Variants in ITIH6 observed in about 807,000 individuals in gnomAD.
ITIH6 encodes the protein inter-alpha-trypsin inhibitor heavy chain family member 6.
Under a neutral mutation model 58.2 loss-of-function variants are expected in ITIH6, and 60 were observed. The observed-to-expected ratio is 1.03, with a 90% CI of 0.84 to 1.28. The LOEUF (loss-of-function observed/expected upper bound fraction) is 1.28. ITIH6 is among the 50% of genes most tolerant of loss of function. ITIH6 has a pLI of 0.00. For missense variants in ITIH6, 1,290 were observed against 1,021.1 expected (o/e 1.26, Z -3.59); for synonymous variants, 493 against 417.4 (o/e 1.18, Z -2.21).
rs772703302 is a variant in ITIH6, at chrX:54,764,423, C to A, written c.904-4496G>T. On this transcript the variant is annotated intron_variant, in intron 6 of 12. Transcript: ENST00000218436. Reference sequence around the variant, plus strand: ...ATCCCTCCCCCCTTCCCCCTCCCCACCACAGTCCCCAGAGTGTGATATTCC... The same window carrying A: ...ATCCCTCCCCCCTTCCCCCTCCCCAACACAGTCCCCAGAGTGTGATATTCC... 3.2e-3 allele frequency among the ~76,000 whole-genome samples: 343 copies of A among 105,740 alleles called. 3 individuals carry two copies. The highest frequency in any genetic ancestry group is 3.7e-3 in the Non-Finnish European group (193 of 51,480). 91.8% of individuals were successfully genotyped at this position (105,740 alleles called of 115,157 possible).
At chrX:54,786,409 T>G (rs1393464484) in intron 5 of ITIH6, among the ~76,000 whole-genome samples, 1 of 111,748 alleles carries the variant, frequency 8.9e-6, no homozygotes, top group Admixed American at 9.5e-5. Flanking sequence ...TCATTTTATC[T>G]CATGGCTCCC....
chrX:54,766,215 T>C (rs943689393), intron 6 of ITIH6, among the ~76,000 whole-genome samples: 3 of 108,649 alleles, frequency 2.8e-5, no homozygotes, highest in African/African-American at 1.0e-4. Flanking sequence ...ATAGGAATGC[T>C]TGTGATTTTT....
intron 5 of ITIH6, among the ~76,000 whole-genome samples, chrX:54,775,125 C>A (rs920560422): frequency 8.9e-6 from 1 of 111,899 alleles, no homozygotes; most frequent in Admixed American, 9.4e-5. Flanking sequence ...GCAATTGCAG[C>A]CTCTGTCTCT....
chrX:54,765,387 G>C (rs1928751602), intron 6 of ITIH6, among the ~76,000 whole-genome samples: 1 of 79,403 alleles, frequency 1.3e-5, no homozygotes, highest in Admixed American at 1.5e-4. Context: ...GGTTTTTATG[G>C]TTTTAGGTCT....
chrX:54,776,314 G>A (rs191146526), intron 5 of ITIH6, among the ~76,000 whole-genome samples: 25 of 111,305 alleles, frequency 2.2e-4, no homozygotes, highest in African/African-American at 7.8e-4. Flanking sequence ...AAGCCTCACC[G>A]CCATGGACTA....
In ITIH6 at chrX:54,771,392, T is replaced by C. The variant is rs771357341; in HGVS notation, c.903+2689A>G. 2.7e-5 allele frequency among the ~76,000 whole-genome samples: 3 copies of C among 112,479 alleles called. No homozygotes were observed. The South Asian group carries it at 1.1e-3, about 41-fold the overall frequency. On this transcript the variant is annotated intron_variant, in intron 6 of 12. Coordinates refer to ENST00000218436, the MANE Select transcript of ITIH6 (RefSeq NM_198510.3). Reference sequence around the variant, plus strand: ...GGTGTTTCTTAAAATTCTTTTTATTTTTGTTTTTTAGCTTCAGGAATTTCT... The same window carrying C: ...GGTGTTTCTTAAAATTCTTTTTATTCTTGTTTTTTAGCTTCAGGAATTTCT...
intron 4 of ITIH6, among the ~76,000 whole-genome samples, chrX:54,789,646 C>T (rs776812655): frequency 1.8e-5 from 2 of 112,592 alleles, no homozygotes; most frequent in Admixed American, 9.4e-5. Context: ...CCTGGACAAG[C>T]GACTCATTCT....
At chrX:54,789,580 G>A (rs990179414) in intron 4 of ITIH6, among the ~76,000 whole-genome samples, 2 of 112,131 alleles carry the variant, frequency 1.8e-5, no homozygotes, top group African/African-American at 3.2e-5. Flanking sequence ...TGAAGAGTGC[G>A]GCCTGCCCGG....
Position 54,798,132 on chromosome X carries a change from C to G in ITIH6, c.79G>C (p.Val27Leu). The change falls in exon 1 of 13, where the codon GTC (valine) becomes CTC (leucine). Residue 27 changes from valine to leucine, a missense_variant. Val to Leu is a conservative substitution (Grantham distance 32, BLOSUM62 1). Transcript: ENST00000218436. ...ACCTTTGTGCTTGATGAAGCGGGGA[C>G]AGGGGGTCCCTGGTATGTCAGTTCA... ...LLELTYQGPP[V>L]PASSSTKLLM... 1 of 1,189,220 alleles carries G rather than the reference C, an allele frequency of 8.4e-7. No individual in the cohort carries two copies.
At position 54,760,772 on chromosome X, in the gene ITIH6, A is replaced by C. The variant is rs769325737; in HGVS notation, c.904-845T>G. 1.4e-3 allele frequency among the ~76,000 whole-genome samples: 154 copies of C among 111,320 alleles called. 2 individuals are homozygous for C. Among genetic ancestry groups the C allele is most frequent in the African/African-American group, 4.4e-3 (136 of 30,575 alleles). On this transcript the variant is annotated intron_variant, in intron 6 of 12. Transcript: ENST00000218436. ...TCCCTACAAAGGACATGAACTCATC[A>C]TTTTTTATGGCTGCATAGTATTCCA...
intron 7 of ITIH6, 36 bp from the exon 8 acceptor site, chrX:54,759,034 G>T: frequency 9.8e-7 from 1 of 1,021,338 alleles, no homozygotes; most frequent in Non-Finnish European, 1.3e-6. Context: ...CATCTTCTCT[G>T]GTCACTTCTA....
intron 6 of ITIH6, among the ~76,000 whole-genome samples, chrX:54,770,709 A>G (rs1299020205): frequency 8.9e-6 from 1 of 112,455 alleles, no homozygotes; most frequent in East Asian, 2.8e-4. Flanking sequence ...TTCACTAAAT[A>G]CATTGTTATT....
Position 54,751,234 on chromosome X carries a change from G to T in ITIH6, c.3499C>A (p.Arg1167=), listed in dbSNP as rs1178688568. ...ITISRSSISL[R]GEGTLRLSWD... ...GACAGGCGCAAGGTACCCTCGCCTC[G>T]CAAAGATATAGAACTGCGGCTGATG... Residue 1167 remains arginine, a synonymous_variant, in exon 12 of 13, where the codon CGA becomes AGA. Transcript: ENST00000218436. 8.3e-7 allele frequency: 1 copy of T among 1,210,193 alleles called. No individual in the cohort carries two copies. Among genetic ancestry groups the T allele is most frequent in the Non-Finnish European group, 1.1e-6 (1 of 895,177 alleles).
chrX:54,778,195 C>CTT (rs1333374493), intron 5 of ITIH6, among the ~76,000 whole-genome samples: 22 of 92,404 alleles, frequency 2.4e-4, no homozygotes, highest in African/African-American at 7.7e-4. Context: ...GCACCAGAGT[C>CTT]TTTTTTTTTT....
chrX:54,754,986 G>A (rs774680820), intron 9 of ITIH6, 31 bp downstream of exon 9: 1 of 1,083,453 alleles, frequency 9.2e-7, no homozygotes. Flanking sequence ...GAAGGCCCAG[G>A]GGATCTTTGT....
At position 54,751,340 on chromosome X, in the gene ITIH6, C is replaced by A. The variant is rs776590766; in HGVS notation, c.3393G>T (p.Arg1131Ser). The change falls in exon 12 of 13, where the codon AGG becomes AGT. Residue 1131 changes from arginine to serine, a missense_variant. By Grantham distance (110) the Arg-to-Ser change is moderately radical. Transcript: ENST00000218436. ...TGCGAGTCTGGTCCTTGTGGCCCGG[C>A]CTTGGTGGTGCGCCAAGCAGCTTCC... ...VSGKLLGAPP[R>S]PGHKDQTRTY... 3 of 1,211,920 alleles carry A rather than the reference C, an allele frequency of 2.5e-6. No homozygotes were observed. The highest frequency in any genetic ancestry group is 2.2e-6 in the Non-Finnish European group (2 of 895,467).
chrX:54,763,294 C>G (rs1376298707), intron 6 of ITIH6, among the ~76,000 whole-genome samples: 2 of 111,233 alleles, frequency 1.8e-5, no homozygotes, highest in African/African-American at 6.5e-5. Flanking sequence ...GAGCTAAGCA[C>G]CATACTCTTG....
Position 54,757,385 on chromosome X carries a change from G to A in ITIH6, c.2689C>T (p.Leu897Phe). 1 of 1,210,537 alleles carries A rather than the reference G, an allele frequency of 8.3e-7. No homozygotes were observed. The highest frequency in any genetic ancestry group is 3.0e-5 in the East Asian group (1 of 33,845). Residue 897 changes from leucine (L) to phenylalanine (F), a missense_variant, in exon 8 of 13, where the codon CTT becomes TTT. By Grantham distance (22) the Leu-to-Phe change is conservative. Transcript: ENST00000218436. ...PPRPDRPRPP[L>F]PESLSTFPNT... ...GGGAATGTGCTTAGGCTCTCAGGAAGTGGGGGCCTTGGTCTGTCAGGTCTA... is the reference window on the plus strand; with the variant it reads ...GGGAATGTGCTTAGGCTCTCAGGAAATGGGGGCCTTGGTCTGTCAGGTCTA...
intron 5 of ITIH6, among the ~76,000 whole-genome samples, chrX:54,779,953 G>A (rs1929120744): frequency 9.0e-6 from 1 of 111,232 alleles, no homozygotes; most frequent in Non-Finnish European, 1.9e-5. Context: ...ATGATAAAGG[G>A]GTCGATTTAG....
Sources: gnomAD v4.1 joint callset for allele counts (sites outside exome capture counted in the v4.1 genomes callset) on GRCh38, gnomAD v4.1.1 for gene constraint, MANE v1.5 for transcripts, NCBI Gene and HGNC (gene_info 2026-07-23, HGNC 2026-07-21) for gene names.